The following GRIK3 variants were observed in gnomAD, a reference collection of about 807,000 sequenced individuals.
GRIK3 encodes glutamate ionotropic receptor kainate type subunit 3.
A neutral mutation model predicts 102.5 loss-of-function variants in GRIK3; 29 were observed. The observed-to-expected ratio is 0.28, with a 90% CI of 0.21 to 0.39. The LOEUF is 0.39. Among genes scored for constraint, GRIK3 ranks in the 10% least tolerant of loss-of-function variants. GRIK3 has a pLI of 1.00. For missense variants in GRIK3, 908 were observed against 1,252.4 expected (o/e 0.73, Z 4.15); for synonymous variants, 511 against 504.9 (o/e 1.01, Z -0.16).
At chr1:36,963,125 G>A (rs1161955372) in intron 1 of GRIK3, among the ~76,000 whole-genome samples, 1 of 152,138 alleles carries the variant, frequency 6.6e-6, no homozygotes, top group Non-Finnish European at 1.5e-5. Flanking sequence ...AGGGAGCCCA[G>A]GGGAGGGGTC....
At chr1:37,009,584 A>G (rs1323019927) in intron 1 of GRIK3, among the ~76,000 whole-genome samples, 1 of 152,140 alleles carries the variant, frequency 6.6e-6, no homozygotes, top group Non-Finnish European at 1.5e-5. Context: ...GGCAGTGTGT[A>G]TGGCTGGAGG....
chr1:36,820,815 G>A (rs1400417224), intron 11 of GRIK3, among the ~76,000 whole-genome samples: 1 of 152,154 alleles, frequency 6.6e-6, no homozygotes, highest in Non-Finnish European at 1.5e-5. Flanking sequence ...ATATATGACA[G>A]GGAAAAAATG....
At chr1:36,917,900 G>A (rs1213352693) in intron 1 of GRIK3, among the ~76,000 whole-genome samples, 1 of 152,128 alleles carries the variant, frequency 6.6e-6, no homozygotes, top group Non-Finnish European at 1.5e-5. Flanking sequence ...AAAGCCAGAA[G>A]GACTCATACC....
intron 1 of GRIK3, among the ~76,000 whole-genome samples, chr1:36,969,098 G>GA (rs1380712757): frequency 2.0e-5 from 3 of 152,132 alleles, no homozygotes; most frequent in Admixed American, 1.3e-4. Context: ...AACCCTTCCA[G>GA]AAAACCAAAC....
In GRIK3 at chr1:36,958,664, G is replaced by A. The variant is rs182060861; in HGVS notation, c.116-67568C>T. ...TGTGTGCCCAATGAGCCTGTGTCCC[G>A]TGAGCCTGTGTGCCCTGTGAGTCTG... On this transcript the variant is annotated intron_variant, in intron 1 of 15. Coordinates refer to ENST00000373091, the MANE Select transcript of GRIK3 (RefSeq NM_000831.4). 8.5e-3 allele frequency among the ~76,000 whole-genome samples: 753 copies of A among 88,806 alleles called. 20 individuals carry two copies. The highest frequency in any genetic ancestry group is 0.024 in the African/African-American group (689 of 28,852). The allele number at this position is 88,806 out of a possible 152,430, so 58.3% of individuals were successfully genotyped here.
intron 1 of GRIK3, among the ~76,000 whole-genome samples, chr1:37,018,771 C>T (rs116316497): frequency 0.025 from 3,749 of 152,040 alleles, 153 homozygotes; most frequent in African/African-American, 0.086. Flanking sequence ...TGATGGATCA[C>T]TCCAATGTAT....
intron 2 of GRIK3, among the ~76,000 whole-genome samples, chr1:36,883,450 T>A (rs1641005418): frequency 6.6e-6 from 1 of 152,164 alleles, no homozygotes; most frequent in African/African-American, 2.4e-5. Context: ...CTACACCCAC[T>A]GCAAACAGCT....
intron 1 of GRIK3, among the ~76,000 whole-genome samples, chr1:36,951,125 C>T (rs962608518): frequency 1.3e-5 from 2 of 152,208 alleles, no homozygotes; most frequent in African/African-American, 4.8e-5. Flanking sequence ...CTGGCTGGGC[C>T]AGGAGGCCAA....
intron 5 of GRIK3, among the ~76,000 whole-genome samples, chr1:36,868,135 T>C (rs1490552230): frequency 6.6e-6 from 1 of 152,068 alleles, no homozygotes; most frequent in Non-Finnish European, 1.5e-5. Flanking sequence ...TGGGGAGGGC[T>C]GCCATGAGTG....
chr1:37,033,224 G>C (rs1180432982), intron 1 of GRIK3, among the ~76,000 whole-genome samples: 1 of 152,212 alleles, frequency 6.6e-6, no homozygotes, highest in Non-Finnish European at 1.5e-5. Context: ...CCGGAAAGCC[G>C]CGCGCAGCCC....
rs768669470 is a variant in GRIK3 at position 36,799,027 on chromosome 1, G to C, written c.*2824C>G. ...TGTGTGAGACAAGAGCAAGAATGAG[G>C]CACGTGCTCTGAAACTATACTGGAC... On this transcript the variant is annotated 3_prime_UTR_variant, in exon 16 of 16. Transcript: ENST00000373091. 1 of 152,236 alleles carries C rather than the reference G, an allele frequency of 6.6e-6. No homozygotes were observed. Among genetic ancestry groups the C allele is most frequent in the Non-Finnish European group, 1.5e-5 (1 of 68,042 alleles). The allele number at this position is 152,236 out of a possible 1,614,324, so 9.4% of individuals were successfully genotyped here. A position where few individuals can be genotyped will look rare whatever the true frequency, so the allele number is the denominator to read the frequency against.
At chr1:36,859,322 C>G (rs1640692669) in intron 6 of GRIK3, 71 bp from the exon 7 acceptor site, 4 of 1,471,114 alleles carry the variant, frequency 2.7e-6, no homozygotes, top group Admixed American at 2.0e-5. Flanking sequence ...GCCCTGTCCC[C>G]CTTCTCCTCC....
chr1:37,005,924 T>C (rs557661282), intron 1 of GRIK3, among the ~76,000 whole-genome samples: 4 of 152,208 alleles, frequency 2.6e-5, no homozygotes, highest in Non-Finnish European at 5.9e-5. Flanking sequence ...CTTCATCTTA[T>C]AGGCAGTGGG....
In GRIK3 at chr1:36,960,608, C is replaced by T. The variant is rs116466890; in HGVS notation, c.116-69512G>A. 6.4e-3 allele frequency among the ~76,000 whole-genome samples: 982 copies of T among 152,278 alleles called. 13 individuals carry two copies. Among genetic ancestry groups the T allele is most frequent in the African/African-American group, 0.023 (936 of 41,550 alleles). The stretch of plus-strand genomic sequence containing the variant: ...TGGGCTGGGCCCATGTTCTTCTGGC[C>T]CACTTCAGAGTCTCTGAGAAATAGA... On this transcript the variant is annotated intron_variant, in intron 1 of 15. Transcript: ENST00000373091.
Position 36,986,474 on chromosome 1 carries a change from CCAT to C in GRIK3, c.115+47517_115+47519del, listed in dbSNP as rs1557452981. On this transcript the variant is annotated intron_variant, in intron 1 of 15. Coordinates refer to ENST00000373091, the MANE Select transcript of GRIK3 (RefSeq NM_000831.4). Reference sequence around the variant, plus strand: ...TCCATCCATCCATCAGCCCATCCATCCATCCATCCATCCATCCATCCATCCATC... The same window carrying C: ...TCCATCCATCCATCAGCCCATCCATCCCATCCATCCATCCATCCATCCATC... Among the ~76,000 whole-genome samples, 1,249 of 148,628 alleles carry C rather than the reference CCAT, an allele frequency of 8.4e-3. 15 individuals are homozygous for C. The highest frequency in any genetic ancestry group is 0.03 in the African/African-American group (1,168 of 38,710).
At chr1:36,933,232 C>T (rs1641617045) in intron 1 of GRIK3, among the ~76,000 whole-genome samples, 1 of 152,152 alleles carries the variant, frequency 6.6e-6, no homozygotes, top group Non-Finnish European at 1.5e-5. Context: ...GTGCCCCCCA[C>T]CCCTGCCATT....
At chr1:36,983,220 C>T (rs1642268507) in intron 1 of GRIK3, among the ~76,000 whole-genome samples, 2 of 152,136 alleles carry the variant, frequency 1.3e-5, no homozygotes, top group African/African-American at 2.4e-5. Context: ...ATGGTGCACA[C>T]ACAAACACAC....
chr1:36,885,092 T>C (rs1437461642), intron 2 of GRIK3, among the ~76,000 whole-genome samples: 5 of 152,260 alleles, frequency 3.3e-5, no homozygotes, highest in Admixed American at 2.6e-4. Flanking sequence ...CCAATGATGA[T>C]AATGGTGACG....
At chr1:36,972,154 G>A (rs192457533) in intron 1 of GRIK3, among the ~76,000 whole-genome samples, 431 of 152,324 alleles carry the variant, frequency 2.8e-3, no homozygotes, top group Non-Finnish European at 4.7e-3. Flanking sequence ...CATGGGCTCC[G>A]CCACGTGCTC....
Sources: gnomAD v4.1 joint callset for allele counts (sites outside exome capture counted in the v4.1 genomes callset) on GRCh38, gnomAD v4.1.1 for gene constraint, MANE v1.5 for transcripts, NCBI Gene and HGNC (gene_info 2026-07-23, HGNC 2026-07-21) for gene names.